The following HACD4 variants were observed in gnomAD, a reference collection of about 807,000 sequenced individuals.
HACD4 encodes very-long-chain (3R)-3-hydroxyacyl-CoA dehydratase 4.
A neutral mutation model predicts 33.3 loss-of-function variants in HACD4; 35 were observed. The observed-to-expected ratio is 1.05, with a 90% CI of 0.80 to 1.39. The LOEUF is 1.39. Ranked by LOEUF, HACD4 falls within the 40% of genes most tolerant of loss-of-function variation. The pLI is 0.00. For synonymous variants in HACD4, 118 were observed against 98.0 expected (o/e 1.20, Z -1.21); for missense variants, 323 against 276.5 (o/e 1.17, Z -1.19).
At chr9:21,029,019 G>C (rs1374677040) in intron 2 of HACD4, among the ~76,000 whole-genome samples, 1 of 152,192 alleles carries the variant, frequency 6.6e-6, no homozygotes, top group African/African-American at 2.4e-5. Context: ...GTTTGGTACA[G>C]AATGGAAAAG....
At chr9:21,021,065 T>A (rs1817896435) in intron 3 of HACD4, among the ~76,000 whole-genome samples, 1 of 152,200 alleles carries the variant, frequency 6.6e-6, no homozygotes, top group Non-Finnish European at 1.5e-5. Context: ...GATGCAAGGC[T>A]GGTTCAACAT....
At position 21,026,587 on chromosome 9, in the gene HACD4, C is replaced by G; in HGVS notation, c.270+9G>C. Reference sequence around the variant, plus strand: ...ACAGATTCTATAATAATATGTGATTCAAACCTACCTGCAAAAACCTTGGGA... The same window carrying G: ...ACAGATTCTATAATAATATGTGATTGAAACCTACCTGCAAAAACCTTGGGA... On this transcript the variant is annotated intron_variant, in intron 3 of 6. Transcript: ENST00000495827. The G allele has an allele frequency of 6.2e-7, 1 of 1,605,250 alleles. No individual in the cohort carries two copies. Among genetic ancestry groups the G allele is most frequent in the Non-Finnish European group, 8.5e-7 (1 of 1,174,956 alleles).
rs1218202042 is a variant in HACD4, at chr9:21,008,020, C to T, written c.616+1G>A. The T allele has an allele frequency of 1.3e-6, 2 of 1,592,048 alleles. No individual in the cohort carries two copies. Among genetic ancestry groups the T allele is most frequent in the South Asian group, 2.3e-5 (2 of 87,014 alleles). ...AAAACAAGACCAAAAAAGCCACTTA[C>T]CTATAAAGAGCATCATGAGATATAT... On this transcript the variant is annotated splice_donor_variant, in intron 6 of 6. Transcript: ENST00000495827. LOFTEE classifies it high-confidence loss of function.
At chr9:21,016,081 A>G in intron 3 of HACD4, 71 bp from the exon 4 acceptor site, 6 of 967,418 alleles carry the variant, frequency 6.2e-6, no homozygotes, top group Non-Finnish European at 8.1e-6. Context: ...CTAATTTTGA[A>G]AACCAGATCT....
At chr9:21,023,723 C>T (rs1017953279) in intron 3 of HACD4, among the ~76,000 whole-genome samples, 7 of 152,054 alleles carry the variant, frequency 4.6e-5, no homozygotes, top group South Asian at 2.1e-4. Context: ...CACAGGCACG[C>T]GCCACCACGT....
At position 21,015,987 on chromosome 9, in the gene HACD4, A is replaced by T. The variant is rs1253611664; in HGVS notation, c.294T>A (p.Leu98=). 6.2e-7 allele frequency: 1 copy of T among 1,612,428 alleles called. No homozygotes were observed. Among genetic ancestry groups the T allele is most frequent in the Non-Finnish European group, 8.5e-7 (1 of 1,178,646 alleles). ...CCTCTTGACTGGTGATCACCACAAAAAGGATGATTATTCTTTCTGTGAGCT... is the reference window on the plus strand; with the variant it reads ...CCTCTTGACTGGTGATCACCACAAATAGGATGATTATTCTTTCTGTGAGCT... ...FLQLTERIII[L]FVVITSQEEV... Residue 98 remains leucine, a synonymous_variant, in exon 4 of 7, where the codon CTT becomes CTA. Coordinates refer to ENST00000495827, the MANE Select transcript of HACD4 (RefSeq NM_001010915.5).
rs150310022 is a variant in HACD4, at chr9:21,023,052, G to C, written c.270+3544C>G. On this transcript the variant is annotated intron_variant, in intron 3 of 6. Coordinates refer to ENST00000495827, the MANE Select transcript of HACD4 (RefSeq NM_001010915.5). ...ACTATGCAGCCATAAAAAATGATGA[G>C]TTCATGTCCTTTGTAGGGACATGGA... is the stretch of plus-strand genomic sequence containing the variant. Among the ~76,000 whole-genome samples, 479 of 152,272 alleles carry C rather than the reference G, an allele frequency of 3.1e-3. 8 individuals carry two copies. The East Asian group carries it at 0.041, about 13-fold the overall frequency.
At position 21,026,624 on chromosome 9, in the gene HACD4, G is replaced by C; in HGVS notation, c.242C>G (p.Ser81Ter). The C allele has an allele frequency of 1.2e-6, 2 of 1,613,356 alleles. No homozygotes were observed. Among genetic ancestry groups the C allele is most frequent in the Non-Finnish European group, 8.5e-7 (1 of 1,179,426 alleles). The change falls in exon 3 of 7, where the codon TCA becomes TGA. Residue 81 changes from serine (S) to a stop codon, truncating the protein, a stop_gained. Transcript: ENST00000495827. LOFTEE classifies it high-confidence loss of function. ...ELLHIYVGIESNHLLPRFLQL... is the reference protein window; with the variant it reads ...ELLHIYVGIE ...CAAAAACCTTGGGAGAAGATGGTTT[G>C]ACTCAATGCCAACATATATGTGCAG...
intron 1 of HACD4, 90 bp downstream of exon 1, chr9:21,031,463 G>T: frequency 7.4e-7 from 1 of 1,350,570 alleles, no homozygotes; most frequent in Non-Finnish European, 9.4e-7. Context: ...GGCGGGGGGT[G>T]CCGCCCGCCC....
At chr9:21,016,991 T>C (rs759362570) in intron 3 of HACD4, among the ~76,000 whole-genome samples, 14 of 152,194 alleles carry the variant, frequency 9.2e-5, no homozygotes, top group Non-Finnish European at 1.3e-4. Flanking sequence ...CTTCTTATGT[T>C]ATATTAATAT....
At chr9:21,025,405 A>T (rs1360498249) in intron 3 of HACD4, among the ~76,000 whole-genome samples, 1 of 93,804 alleles carries the variant, frequency 1.1e-5, no homozygotes, top group South Asian at 4.1e-4. Flanking sequence ...TAAAGTGTAC[A>T]TTTACATTCT....
rs1295867926 is a variant in HACD4 at position 21,000,110 on chromosome 9, C to T, written c.*6927G>A. The T allele has an allele frequency of 3.3e-5, 5 of 152,162 alleles. 1 individual carries two copies. Among genetic ancestry groups the T allele is most frequent in the Admixed American group, 3.3e-4 (5 of 15,272 alleles). The allele number at this position is 152,162 out of a possible 1,614,324, so 9.4% of individuals were successfully genotyped here. A position where few individuals can be genotyped will look rare whatever the true frequency, so the allele number is the denominator to read the frequency against. On this transcript the variant is annotated 3_prime_UTR_variant, in exon 7 of 7. Coordinates refer to ENST00000495827, the MANE Select transcript of HACD4 (RefSeq NM_001010915.5). ...AGAACCCCATCATTCAGCTGAATACCATGAAGTAACAATAGACACCTACAT... is the reference window on the plus strand; with the variant it reads ...AGAACCCCATCATTCAGCTGAATACTATGAAGTAACAATAGACACCTACAT...
In HACD4 at chr9:21,004,809, C is replaced by T. The variant is rs1468874662; in HGVS notation, c.*2228G>A. ...TGGAAGCAGCTTTGACGTTAGGTAA[C>T]AGATAGAAGCTGGAAGAGTTTTGAG... On this transcript the variant is annotated 3_prime_UTR_variant, in exon 7 of 7. Coordinates refer to ENST00000495827, the MANE Select transcript of HACD4 (RefSeq NM_001010915.5). The surrounding 1 kb of genome is among the most constrained non-coding windows in gnomAD (Gnocchi z 4.6). The T allele has an allele frequency of 6.6e-6, 1 of 152,086 alleles. No homozygotes were observed. The highest frequency in any genetic ancestry group is 1.9e-4 in the East Asian group (1 of 5,198). The allele number at this position is 152,086 out of a possible 1,614,324, so 9.4% of individuals were successfully genotyped here. A position where few individuals can be genotyped will look rare whatever the true frequency, so the allele number is the denominator to read the frequency against.
chr9:21,015,780 T>C (rs1160158671), intron 4 of HACD4, 118 bp downstream of exon 4: 2 of 569,716 alleles, frequency 3.5e-6, no homozygotes. Context: ...GATAAAATAA[T>C]TTGAAAAGGG....
chr9:21,029,392 C>A lies in HACD4; in HGVS notation c.45G>T (p.Arg15Ser). The change falls in exon 2 of 7, where the codon AGG (arginine) becomes AGT (serine). Residue 15 changes from arginine (R) to serine (S), a missense_variant. By Grantham distance (110) the Arg-to-Ser change is moderately radical. Transcript: ENST00000495827. Reference protein sequence around the residue: ...ALPAWLQPRYRKNAYLFIYYL... With the variant: ...ALPAWLQPRYSKNAYLFIYYL... ...AATAGATGAAAAGATACGCATTCTT[C>A]CTATACCTATAAATACAGGAAAATA... 1.9e-6 allele frequency: 3 copies of A among 1,555,166 alleles called. No individual in the cohort carries two copies. The highest frequency in any genetic ancestry group is 2.7e-6 in the Non-Finnish European group (3 of 1,130,774).
rs573599849 is a variant in HACD4 at position 21,010,501 on chromosome 9, A to C, written c.490+1088T>G. On this transcript the variant is annotated intron_variant, in intron 5 of 6. Coordinates refer to ENST00000495827, the MANE Select transcript of HACD4 (RefSeq NM_001010915.5). ...TTACAGTCTAGTCAAGGAAATGGACATTAATCAAAGAATCATACAAATGTG... is the reference window on the plus strand; with the variant it reads ...TTACAGTCTAGTCAAGGAAATGGACCTTAATCAAAGAATCATACAAATGTG... Among the ~76,000 whole-genome samples, 9 of 142,964 alleles carry C rather than the reference A, an allele frequency of 6.3e-5. No individual in the cohort carries two copies. In the South Asian group the frequency reaches 1.9e-3, roughly 29 times the overall value. The allele number at this position is 142,964 out of a possible 152,430, so 93.8% of individuals were successfully genotyped here. A position where few individuals can be genotyped will look rare whatever the true frequency, so the allele number is the denominator to read the frequency against.
chr9:21,027,497 AG>A (rs1246362914), intron 2 of HACD4, among the ~76,000 whole-genome samples: 1 of 152,218 alleles, frequency 6.6e-6, no homozygotes. Flanking sequence ...TTTACTGAGC[AG>A]TAAGGATTTC....
At chr9:21,013,509 G>C (rs1842486675) in intron 4 of HACD4, among the ~76,000 whole-genome samples, 1 of 152,186 alleles carries the variant, frequency 6.6e-6, no homozygotes, top group Non-Finnish European at 1.5e-5. Context: ...TTAAATATGA[G>C]TGTTAGGGTC....
intron 3 of HACD4, 123 bp from the exon 4 acceptor site, chr9:21,016,133 C>A: frequency 1.7e-6 from 1 of 599,406 alleles, no homozygotes; most frequent in South Asian, 2.2e-5. Context: ...GTATACTAAA[C>A]TGTTAACAAT....
Sources: gnomAD v4.1 joint callset for allele counts (sites outside exome capture counted in the v4.1 genomes callset) on GRCh38, gnomAD v4.1.1 for gene constraint, Gnocchi (gnomAD v3.1) non-coding constraint, MANE v1.5 for transcripts, NCBI Gene and HGNC (gene_info 2026-07-23, HGNC 2026-07-21) for gene names.